Variants in LGR5 observed in about 807,000 individuals in gnomAD.
LGR5 encodes the protein leucine-rich repeat-containing G protein-coupled receptor 5.
A neutral mutation model predicts 76.7 loss-of-function variants in LGR5; 54 were observed. That is an observed-to-expected ratio of 0.70 (90% CI 0.57 to 0.88). The LOEUF (loss-of-function observed/expected upper bound fraction) is 0.88, where lower values mean the gene tolerates loss of function less well. Ranked by LOEUF, LGR5 falls within the 40% of genes least tolerant of loss-of-function variation. LGR5 has a pLI of 0.00. For missense variants in LGR5, 1,078 were observed against 1,073.3 expected, an observed-to-expected ratio of 1.00 and a Z score of -0.06; for synonymous variants, 406 against 421.9, an observed-to-expected ratio of 0.96 and a Z score of 0.46.
rs1231563227 is a variant in LGR5 at position 71,440,871 on chromosome 12, CT to C, written c.212+584del. Among the ~76,000 whole-genome samples the C allele has an allele frequency of 6.6e-6, 1 of 152,072 alleles. No individual in the cohort carries two copies. The highest frequency in any genetic ancestry group is 1.9e-4 in the East Asian group (1 of 5,168). On this transcript the variant is annotated intron_variant, in intron 1 of 17. Coordinates refer to ENST00000266674, the MANE Select transcript of LGR5 (RefSeq NM_003667.4). This position sits in a 1 kb window ranked among gnomAD's most constrained non-coding sequence, Gnocchi z 5.3. The stretch of plus-strand genomic sequence containing the variant: ...TCTTCCTTCCTTCCCTCCCTCCTTT[CT>C]TTTTATTTTCTTTCTTTTTTAACGG...
At chr12:71,475,587 C>G (rs548750900) in intron 1 of LGR5, among the ~76,000 whole-genome samples, 1 of 152,250 alleles carries the variant, frequency 6.6e-6, no homozygotes, top group Middle Eastern at 3.4e-3. Flanking sequence ...CTCTCTTATG[C>G]TGCGACGCTC....
chr12:71,439,901 T>G lies in LGR5; in HGVS notation c.-180T>G, dbSNP rs4463929. 4 of 571,624 alleles carry G rather than the reference T, an allele frequency of 7.0e-6. No individual in the cohort carries two copies. Among genetic ancestry groups the G allele is most frequent in the Non-Finnish European group, 1.2e-5 (4 of 334,496 alleles). The allele number at this position is 571,624 out of a possible 1,614,324, so 35.4% of individuals were successfully genotyped here. A position where few individuals can be genotyped will look rare whatever the true frequency, so the allele number is the denominator to read the frequency against. ...CCGGCGTGGCGGCAACCGGCACCTC[T>G]GTCCCCGCCGCGCTTCTCCTCGCCG... On this transcript the variant is annotated 5_prime_UTR_variant, in exon 1 of 18. Transcript: ENST00000266674.
At position 71,540,999 on chromosome 12, in the gene LGR5, G is replaced by A. The variant is rs150466131; in HGVS notation, c.428+5813G>A. On this transcript the variant is annotated intron_variant, in intron 4 of 17. Coordinates refer to ENST00000266674, the MANE Select transcript of LGR5 (RefSeq NM_003667.4). ...TTTGCTTTCTTCACAAAAGTGCCAG[G>A]GTATTAGGTACGTATTGGGATGGAG... Among the ~76,000 whole-genome samples, 11 of 152,224 alleles carry A rather than the reference G, an allele frequency of 7.2e-5. No individual in the cohort carries two copies. In the East Asian group the frequency reaches 2.1e-3, roughly 29 times the overall value.
intron 17 of LGR5, 28 bp downstream of exon 17, chr12:71,582,567 C>T (rs562986700): frequency 1.3e-5 from 19 of 1,497,088 alleles, no homozygotes; most frequent in African/African-American, 2.8e-5. Context: ...AATTCCTCAA[C>T]GGCAGTATCC....
intron 11 of LGR5, among the ~76,000 whole-genome samples, chr12:71,570,590 G>T (rs973342264): frequency 1.3e-5 from 2 of 152,080 alleles, no homozygotes; most frequent in African/African-American, 4.8e-5. Flanking sequence ...GATTTTGGAG[G>T]TATTGGGTGG....
chr12:71,519,662 A>AAAACAAG, intron 2 of LGR5, among the ~76,000 whole-genome samples: 1 of 148,452 alleles, frequency 6.7e-6, no homozygotes, highest in East Asian at 1.9e-4. Flanking sequence ...CAAAAAACAA[A>AAAACAAG]AAAAACCACA....
At chr12:71,470,157 C>G (rs150614985) in intron 1 of LGR5, among the ~76,000 whole-genome samples, 1 of 152,296 alleles carries the variant, frequency 6.6e-6, no homozygotes, top group African/African-American at 2.4e-5. Context: ...TCTAAAACAT[C>G]TTATCACCTA....
At chr12:71,517,345 G>T (rs1170058128) in intron 2 of LGR5, among the ~76,000 whole-genome samples, 1 of 152,166 alleles carries the variant, frequency 6.6e-6, no homozygotes, top group Admixed American at 6.5e-5. Context: ...TGATAACACA[G>T]GTCAGTGGTT....
At chr12:71,495,994 A>T (rs1280910723) in intron 1 of LGR5, among the ~76,000 whole-genome samples, 4 of 152,208 alleles carry the variant, frequency 2.6e-5, no homozygotes, top group African/African-American at 9.7e-5. Context: ...ACGTGAAAAG[A>T]TGCTCAGCTC....
chr12:71,462,495 A>G (rs906880174), intron 1 of LGR5, among the ~76,000 whole-genome samples: 2 of 151,790 alleles, frequency 1.3e-5, no homozygotes, highest in African/African-American at 2.4e-5. Context: ...TTTCTAACCT[A>G]TTTCTGCTTT....
Position 71,439,893 on chromosome 12 carries a change from G to C in LGR5, c.-188G>C, listed in dbSNP as rs115714167. The C allele has an allele frequency of 1.8e-6, 1 of 551,498 alleles. No homozygotes were observed. Among genetic ancestry groups the C allele is most frequent in the Non-Finnish European group, 3.1e-6 (1 of 320,622 alleles). The allele number at this position is 551,498 out of a possible 1,614,324, so 34.2% of individuals were successfully genotyped here. A position where few individuals can be genotyped will look rare whatever the true frequency, so the allele number is the denominator to read the frequency against. On this transcript the variant is annotated 5_prime_UTR_variant, in exon 1 of 18. Transcript: ENST00000266674. ...TCCGAAGGCCGGCGTGGCGGCAACC[G>C]GCACCTCTGTCCCCGCCGCGCTTCT...
At chr12:71,565,950 G>A (rs1280972874) in intron 8 of LGR5, among the ~76,000 whole-genome samples, 2 of 152,002 alleles carry the variant, frequency 1.3e-5, no homozygotes, top group Non-Finnish European at 2.9e-5. Context: ...CCAATAATCT[G>A]ATGAGTCTCT....
At chr12:71,478,082 A>G (rs1240557584) in intron 1 of LGR5, among the ~76,000 whole-genome samples, 1 of 152,150 alleles carries the variant, frequency 6.6e-6, no homozygotes, top group Non-Finnish European at 1.5e-5. Context: ...TTGATTTTAC[A>G]TTGGATATAA....
chr12:71,491,426 CT>C (rs1378520214), intron 1 of LGR5, among the ~76,000 whole-genome samples: 1 of 152,006 alleles, frequency 6.6e-6, no homozygotes, highest in Non-Finnish European at 1.5e-5. Context: ...GGGAAATTCT[CT>C]TTCCAGTCAA....
At chr12:71,577,069 T>G (rs1268529215) in intron 13 of LGR5, among the ~76,000 whole-genome samples, 2 of 152,168 alleles carry the variant, frequency 1.3e-5, no homozygotes, top group Non-Finnish European at 2.9e-5. Flanking sequence ...TGAATACCAT[T>G]TATTAAGGTA....
intron 2 of LGR5, among the ~76,000 whole-genome samples, chr12:71,523,848 AT>A (rs1252834422): frequency 5.3e-5 from 8 of 152,048 alleles, no homozygotes; most frequent in African/African-American, 1.7e-4. Flanking sequence ...TTTGTTTTCA[AT>A]TTTTTTAAGC....
intron 4 of LGR5, among the ~76,000 whole-genome samples, chr12:71,545,513 G>A (rs1019594484): frequency 1.3e-5 from 2 of 151,944 alleles, no homozygotes; most frequent in African/African-American, 4.8e-5. Context: ...TCATAAAAAT[G>A]CATTGCTTCA....
chr12:71,537,274 G>A (rs550442881), intron 4 of LGR5, among the ~76,000 whole-genome samples: 5 of 151,496 alleles, frequency 3.3e-5, no homozygotes, highest in African/African-American at 1.2e-4. Context: ...GGGCAACATA[G>A]TGAGACACCC....
chr12:71,537,793 C>T (rs964146924), intron 4 of LGR5, among the ~76,000 whole-genome samples: 8 of 152,126 alleles, frequency 5.3e-5, no homozygotes, highest in African/African-American at 1.2e-4. Context: ...TCTGTGCTTC[C>T]GTATCAATAA....
Sources: gnomAD v4.1 joint callset for allele counts (sites outside exome capture counted in the v4.1 genomes callset) on GRCh38, gnomAD v4.1.1 for gene constraint, Gnocchi (gnomAD v3.1) non-coding constraint, MANE v1.5 for transcripts, NCBI Gene and HGNC (gene_info 2026-07-23, HGNC 2026-07-21) for gene names.